The following SETDB2 variants were observed in gnomAD, a reference collection of about 807,000 sequenced individuals.
SETDB2 encodes the protein histone-lysine N-methyltransferase SETDB2.
Under a neutral mutation model 82.5 loss-of-function variants are expected in SETDB2, and 56 were observed. That is an observed-to-expected ratio of 0.68 (90% CI 0.55 to 0.85). SETDB2 has a LOEUF of 0.85. Among genes scored for constraint, SETDB2 ranks in the 40% least tolerant of loss-of-function variants. The probability of loss-of-function intolerance (pLI) is 0.00; values close to 1 mark genes in which losing one functional copy is unlikely to be tolerated. For missense variants in SETDB2, 677 were observed against 816.4 expected, an observed-to-expected ratio of 0.83 and a Z score of 2.08; for synonymous variants, 272 against 284.9, an observed-to-expected ratio of 0.95 and a Z score of 0.46.
intron 4 of SETDB2, among the ~76,000 whole-genome samples, chr13:49,462,006 C>T (rs1958004420): frequency 6.6e-6 from 1 of 152,128 alleles, no homozygotes; most frequent in Admixed American, 6.5e-5. Flanking sequence ...GTACAAAGGG[C>T]AAAGTTGGGA....
intron 8 of SETDB2, 38 bp from the exon 9 acceptor site, chr13:49,482,699 T>C: frequency 7.5e-7 from 1 of 1,325,944 alleles, no homozygotes; most frequent in Non-Finnish European, 1.1e-6. Context: ...AGCAATTATC[T>C]TCTGTGTTGT....
chr13:49,489,551 C>G (rs7139634), intron 12 of SETDB2, among the ~76,000 whole-genome samples: 98,987 of 138,878 alleles, frequency 0.71, 35,632 homozygotes, highest in East Asian at 0.81. Flanking sequence ...GCTCCTGTTC[C>G]CATGCCCCGA....
chr13:49,468,290 T>C (rs1594152250), intron 5 of SETDB2, among the ~76,000 whole-genome samples: 2 of 152,274 alleles, frequency 1.3e-5, no homozygotes, highest in East Asian at 3.9e-4. Context: ...AATTTAAAAG[T>C]GTCAAAATGT....
Position 49,491,773 on chromosome 13 carries a change from A to ATGAAGC in SETDB2, c.2051_2056dup (p.Glu684_Ala685dup), listed in dbSNP as rs1411122363. On this transcript the variant is annotated inframe_insertion, in exon 14 of 14. Transcript: ENST00000611815. The stretch of plus-strand genomic sequence containing the variant: ...ACAGAGCTAACATGGGATTATGGCT[A>ATGAAGC]TGAAGCTGGGACTGTGCCTGAGAAG... 1 of 1,613,138 alleles carries ATGAAGC rather than the reference A, an allele frequency of 6.2e-7. No individual in the cohort carries two copies. The highest frequency in any genetic ancestry group is 8.5e-7 in the Non-Finnish European group (1 of 1,179,774).
At chr13:49,458,570 A>T (rs1490519845) in intron 2 of SETDB2, among the ~76,000 whole-genome samples, 1 of 152,016 alleles carries the variant, frequency 6.6e-6, no homozygotes, top group African/African-American at 2.4e-5. Flanking sequence ...TGTATTGTTG[A>T]TGTTCTACAT....
chr13:49,483,582 A>G lies in SETDB2; in HGVS notation c.1482+19A>G. On this transcript the variant is annotated intron_variant, in intron 10 of 13. Coordinates refer to ENST00000611815, the MANE Select transcript of SETDB2 (RefSeq NM_001160308.3). ...AAAAATGGTAAAAAATGCAAAATGT[A>G]GTTGGGACCCTTCTTTTCTTTTTTA... The G allele has an allele frequency of 1.3e-6, 1 of 746,510 alleles. No individual in the cohort carries two copies. Among genetic ancestry groups the G allele is most frequent in the Non-Finnish European group, 2.1e-6 (1 of 470,328 alleles). The allele number at this position is 746,510 out of a possible 1,614,324, so 46.2% of individuals were successfully genotyped here. A position where few individuals can be genotyped will look rare whatever the true frequency, so the allele number is the denominator to read the frequency against.
intron 2 of SETDB2, among the ~76,000 whole-genome samples, chr13:49,457,308 T>A (rs1383709578): frequency 6.6e-6 from 1 of 151,838 alleles, no homozygotes; most frequent in Non-Finnish European, 1.5e-5. Context: ...AATGACTCAT[T>A]TTAAGTATTT....
intron 11 of SETDB2, among the ~76,000 whole-genome samples, chr13:49,486,996 A>G (rs76007379): frequency 8.8e-4 from 134 of 152,274 alleles, no homozygotes; most frequent in Non-Finnish European, 1.6e-3. Context: ...TATTTATTTT[A>G]TCATGCATGT....
At chr13:49,473,090 C>G (rs1958282355) in intron 5 of SETDB2, among the ~76,000 whole-genome samples, 1 of 152,194 alleles carries the variant, frequency 6.6e-6, no homozygotes, top group Non-Finnish European at 1.5e-5. Context: ...CATTAAACTA[C>G]TATTCAAATA....
intron 5 of SETDB2, among the ~76,000 whole-genome samples, chr13:49,470,717 C>T (rs1187349184): frequency 6.6e-6 from 1 of 152,102 alleles, no homozygotes; most frequent in Admixed American, 6.6e-5. Flanking sequence ...GGCTTGGTGG[C>T]ACATGCCTGT....
chr13:49,450,291 C>T (rs1957762778), intron 1 of SETDB2, among the ~76,000 whole-genome samples: 1 of 152,130 alleles, frequency 6.6e-6, no homozygotes, highest in Admixed American at 6.5e-5. Context: ...CTCTTGTTTC[C>T]TTGCTCTGTG....
chr13:49,466,160 G>A lies in SETDB2; in HGVS notation c.209-1704G>A, dbSNP rs192212430. Reference sequence around the variant, plus strand: ...AAAGAATAGGGAGTCTTGACTGGGCGTGGTGTCTCAGGCCTATAATCCCAG... The same window carrying A: ...AAAGAATAGGGAGTCTTGACTGGGCATGGTGTCTCAGGCCTATAATCCCAG... On this transcript the variant is annotated intron_variant, in intron 4 of 13. Transcript: ENST00000611815. Among the ~76,000 whole-genome samples, 271 of 152,282 alleles carry A rather than the reference G, an allele frequency of 1.8e-3. 1 individual carries two copies. Among genetic ancestry groups the A allele is most frequent in the Non-Finnish European group, 3.1e-3 (213 of 68,018 alleles).
chr13:49,459,809 A>G (rs1957958117), intron 2 of SETDB2: 1 of 241,982 alleles, frequency 4.1e-6, no homozygotes, highest in Non-Finnish European at 7.9e-6. Flanking sequence ...TAATCTATAC[A>G]TATACCCCAC....
Position 49,451,804 on chromosome 13 carries a change from C to T in SETDB2, c.-90C>T, listed in dbSNP as rs1594127972. 8 of 1,010,902 alleles carry T rather than the reference C, an allele frequency of 7.9e-6. No individual in the cohort carries two copies. The East Asian group carries it at 1.3e-4, about 17-fold the overall frequency. The allele number at this position is 1,010,902 out of a possible 1,614,324, so 62.6% of individuals were successfully genotyped here. On this transcript the variant is annotated 5_prime_UTR_variant, in exon 2 of 14. Coordinates refer to ENST00000611815, the MANE Select transcript of SETDB2 (RefSeq NM_001160308.3). Reference sequence around the variant, plus strand: ...CTGAGGACTGCAAATTTTATAGAGACCACAGTTGGATTCCAGTGATATTCT... The same window carrying T: ...CTGAGGACTGCAAATTTTATAGAGATCACAGTTGGATTCCAGTGATATTCT...
intron 1 of SETDB2, among the ~76,000 whole-genome samples, chr13:49,445,209 A>G (rs1323103958): frequency 6.6e-6 from 1 of 152,144 alleles, no homozygotes; most frequent in Non-Finnish European, 1.5e-5. Context: ...TTTAACCCAC[A>G]TGACTGTTAG....
chr13:49,487,909 T>C (rs1038669947), intron 11 of SETDB2, among the ~76,000 whole-genome samples: 7 of 152,204 alleles, frequency 4.6e-5, no homozygotes, highest in African/African-American at 9.7e-5. Flanking sequence ...CCCACTCTGT[T>C]ACATTTGTTT....
chr13:49,480,048 T>A (rs1347607281), intron 6 of SETDB2, among the ~76,000 whole-genome samples, 171 bp from the exon 7 acceptor site: 1 of 152,150 alleles, frequency 6.6e-6, no homozygotes, highest in East Asian at 1.9e-4. Flanking sequence ...TTTTGGGAGG[T>A]ATTGTCTTTC....
At chr13:49,448,757 G>T (rs112926666) in intron 1 of SETDB2, among the ~76,000 whole-genome samples, 57 of 151,942 alleles carry the variant, frequency 3.8e-4, no homozygotes, top group Non-Finnish European at 6.9e-4. Context: ...TATATTTTTT[G>T]GATTAAGCTT....
At chr13:49,449,416 AATTTT>A (rs981675927) in intron 1 of SETDB2, among the ~76,000 whole-genome samples, 1 of 151,878 alleles carries the variant, frequency 6.6e-6, no homozygotes, top group African/African-American at 2.4e-5. Context: ...ACACCCAGCT[AATTTT>A]TGTATTTTTG....
Sources: allele counts gnomAD v4.1 joint callset (sites outside exome capture counted in the v4.1 genomes callset), GRCh38; gene constraint gnomAD v4.1.1; transcripts MANE v1.5; gene names NCBI Gene and HGNC (gene_info 2026-07-23, HGNC 2026-07-21).